ITCH: variants seen among roughly 807,000 people sequenced by gnomAD.
The protein encoded by ITCH is E3 ubiquitin-protein ligase Itchy homolog.
A neutral mutation model predicts 126.8 loss-of-function variants in ITCH; 28 were observed. That is an observed-to-expected ratio of 0.22 (90% confidence interval 0.16 to 0.30). ITCH has a LOEUF of 0.30. Ranked by LOEUF, ITCH falls within the 10% of genes least tolerant of loss-of-function variation. The pLI, the probability that ITCH is intolerant of heterozygous loss-of-function variation, is 1.00. For synonymous variants in ITCH, 342 were observed against 340.0 expected (o/e 1.01, Z -0.06); for missense variants, 631 against 1,032.4 (o/e 0.61, Z 5.33).
At chr20:34,419,483 GC>G (rs1462271246) in intron 6 of ITCH, among the ~76,000 whole-genome samples, 2 of 146,620 alleles carry the variant, frequency 1.4e-5, no homozygotes, top group African/African-American at 5.0e-5. Context: ...TATCAGTGTT[GC>G]CTTTTTTTTT....
intron 7 of ITCH, among the ~76,000 whole-genome samples, chr20:34,436,753 C>T (rs1003945177): frequency 3.3e-5 from 5 of 152,182 alleles, no homozygotes; most frequent in Non-Finnish European, 7.3e-5. Context: ...GTATAGTGCT[C>T]GTCCGTTTGG....
chr20:34,478,705 T>A (rs1988454361), intron 17 of ITCH, among the ~76,000 whole-genome samples: 1 of 152,182 alleles, frequency 6.6e-6, no homozygotes, highest in East Asian at 1.9e-4. Context: ...GCACGCTAAT[T>A]GGTGGCTACA....
intron 12 of ITCH, among the ~76,000 whole-genome samples, chr20:34,451,654 A>T (rs1002347970): frequency 6.6e-6 from 1 of 152,160 alleles, no homozygotes; most frequent in East Asian, 1.9e-4. Flanking sequence ...CCAGACATGG[A>T]TGGTTTTATT....
chr20:34,417,348 C>T (rs1033374283), intron 6 of ITCH: 10 of 309,646 alleles, frequency 3.2e-5, no homozygotes, highest in Admixed American at 2.9e-4. Flanking sequence ...CCGCCTGCCT[C>T]GACCTCCCAA....
intron 2 of ITCH, among the ~76,000 whole-genome samples, chr20:34,374,767 T>G (rs1403262040): frequency 6.6e-6 from 1 of 151,262 alleles, no homozygotes; most frequent in Non-Finnish European, 1.5e-5. Context: ...GAGTTTCACT[T>G]TTGTTGCCCA....
At chr20:34,457,620 T>A in intron 13 of ITCH, 146 bp downstream of exon 13, 1 of 661,150 alleles carries the variant, frequency 1.5e-6, no homozygotes, top group Non-Finnish European at 2.7e-6. Context: ...ATTATACTAT[T>A]ATTTTCATCT....
intron 7 of ITCH, among the ~76,000 whole-genome samples, chr20:34,432,249 C>T (rs1446603442): frequency 6.6e-6 from 1 of 151,984 alleles, no homozygotes; most frequent in Non-Finnish European, 1.5e-5. Context: ...TAAACTAAAA[C>T]CTCTAGAAGA....
At chr20:34,379,635 C>T (rs1207320666) in intron 2 of ITCH, among the ~76,000 whole-genome samples, 2 of 150,408 alleles carry the variant, frequency 1.3e-5, no homozygotes, top group Non-Finnish European at 3.0e-5. Flanking sequence ...CGCTCTGTCA[C>T]CCAGGCTGGA....
At chr20:34,464,043 C>A (rs1306410988) in intron 14 of ITCH, among the ~76,000 whole-genome samples, 1 of 151,958 alleles carries the variant, frequency 6.6e-6, no homozygotes, top group African/African-American at 2.4e-5. Context: ...GGCACAATCT[C>A]GGCTCACTGC....
intron 18 of ITCH, among the ~76,000 whole-genome samples, 178 bp from the exon 19 acceptor site, chr20:34,480,421 C>CT (rs1335599954): frequency 1.3e-5 from 2 of 150,476 alleles, no homozygotes; most frequent in Non-Finnish European, 3.0e-5. Flanking sequence ...AGTCTGGTCT[C>CT]GAACTCCTGA....
At chr20:34,464,278 G>A (rs1453196939) in intron 14 of ITCH, among the ~76,000 whole-genome samples, 23 of 149,640 alleles carry the variant, frequency 1.5e-4, no homozygotes, top group Admixed American at 1.4e-3. Context: ...GTGAGCCACC[G>A]TGCCCGGCCT....
chr20:34,369,809 A>G (rs1163055681), intron 2 of ITCH, among the ~76,000 whole-genome samples: 1 of 152,090 alleles, frequency 6.6e-6, no homozygotes, highest in Non-Finnish European at 1.5e-5. Context: ...GGTAATGAAA[A>G]AGAAGACAAC....
chr20:34,474,042 A>G (rs531154553), intron 16 of ITCH, among the ~76,000 whole-genome samples: 2 of 152,346 alleles, frequency 1.3e-5, no homozygotes, highest in Non-Finnish European at 2.9e-5. Flanking sequence ...TTATATGAAA[A>G]CATTTTGCTA....
At chr20:34,476,183 G>A in intron 16 of ITCH, 9 of 801,654 alleles carry the variant, frequency 1.1e-5, no homozygotes, top group South Asian at 1.1e-4. Context: ...TCAATATCTG[G>A]ATTATTTTCA....
chr20:34,497,732 C>T (rs1989981372), intron 23 of ITCH, among the ~76,000 whole-genome samples: 1 of 152,238 alleles, frequency 6.6e-6, no homozygotes, highest in African/African-American at 2.4e-5. Flanking sequence ...GCATATGCCA[C>T]CACACCCAGC....
intron 12 of ITCH, among the ~76,000 whole-genome samples, chr20:34,454,237 A>G (rs1165796187): frequency 6.7e-6 from 1 of 148,922 alleles, no homozygotes; most frequent in African/African-American, 2.5e-5. Flanking sequence ...TCCCGGGTTC[A>G]CGCCATTCTC....
chr20:34,504,293 T>C, intron 23 of ITCH, 38 bp from the exon 24 acceptor site: 1 of 1,472,424 alleles, frequency 6.8e-7, no homozygotes, highest in Non-Finnish European at 9.5e-7. Context: ...TGAGATCCAC[T>C]ATACTAACAA....
At chr20:34,410,756 T>C (rs1437327452) in intron 4 of ITCH, among the ~76,000 whole-genome samples, 2 of 152,240 alleles carry the variant, frequency 1.3e-5, no homozygotes, top group African/African-American at 4.8e-5. Flanking sequence ...AGATGTTCAG[T>C]TGAATTAGAT....
At chr20:34,407,293 G>A (rs998404337) in intron 3 of ITCH, among the ~76,000 whole-genome samples, 8 of 151,964 alleles carry the variant, frequency 5.3e-5, no homozygotes, top group Non-Finnish European at 8.8e-5. Context: ...TTGATACGTA[G>A]GCTCACTCTG....
Sources: gnomAD v4.1 joint callset for allele counts (sites outside exome capture counted in the v4.1 genomes callset) on GRCh38, gnomAD v4.1.1 for gene constraint, MANE v1.5 for transcripts, NCBI Gene and HGNC (gene_info 2026-07-23, HGNC 2026-07-21) for gene names.